Variants in DSCAML1 observed in about 807,000 individuals in gnomAD.
The protein encoded by DSCAML1 is DS cell adhesion molecule like 1, also known as cell adhesion molecule DSCAML1.
A neutral mutation model predicts 200.5 loss-of-function variants in DSCAML1; 38 were observed. The ratio of observed to expected loss-of-function variants is 0.19; its 90% CI spans 0.15 to 0.25. The LOEUF (loss-of-function observed/expected upper bound fraction) is 0.25, where lower values mean the gene tolerates loss of function less well. Among genes scored for constraint, DSCAML1 ranks in the 10% least tolerant of loss-of-function variants. The pLI is 1.00. For synonymous variants in DSCAML1, 1,215 were observed against 1,165.0 expected, an observed-to-expected ratio of 1.04 and a Z score of -0.87; for missense variants, 2,223 against 2,858.8, an observed-to-expected ratio of 0.78 and a Z score of 5.07.
chr11:117,515,610 CTTTTTTTTTTTTTT>C (rs56765238), intron 8 of DSCAML1, among the ~76,000 whole-genome samples: 10 of 65,144 alleles, frequency 1.5e-4, no homozygotes, highest in African/African-American at 5.0e-4. Flanking sequence ...AGGGACGAAG[CTTTTTTTTTTTTTT>C]TTTTTTTTTT....
At chr11:117,449,322 C>T (rs951047812) in intron 20 of DSCAML1, among the ~76,000 whole-genome samples, 3 of 152,022 alleles carry the variant, frequency 2.0e-5, no homozygotes, top group Non-Finnish European at 2.9e-5. Flanking sequence ...ACAGTGATGA[C>T]GTTTGTGCAC....
chr11:117,543,829 T>A (rs907854582), intron 3 of DSCAML1, among the ~76,000 whole-genome samples: 2 of 152,202 alleles, frequency 1.3e-5, no homozygotes, highest in African/African-American at 2.4e-5. Context: ...TTGTTTTTTT[T>A]AAAGATCTTA....
intron 3 of DSCAML1, among the ~76,000 whole-genome samples, chr11:117,645,415 C>T (rs2052502459): frequency 6.6e-6 from 1 of 152,020 alleles, no homozygotes; most frequent in Admixed American, 6.6e-5. Context: ...CCATGAGAGC[C>T]CAACTTCCTG....
At chr11:117,433,526 T>A (rs539036589) in intron 27 of DSCAML1, 55 bp from the exon 28 acceptor site, 1 of 1,587,132 alleles carries the variant, frequency 6.3e-7, no homozygotes, top group African/African-American at 1.3e-5. Context: ...TTGAACAGGA[T>A]GACAATGGGA....
intron 3 of DSCAML1, among the ~76,000 whole-genome samples, chr11:117,559,105 A>G: frequency 6.7e-6 from 1 of 149,036 alleles, no homozygotes; most frequent in African/African-American, 2.5e-5. Context: ...ATATATGGGG[A>G]AAAAAAGAAA....
At chr11:117,517,655 C>T (rs992485688) in intron 7 of DSCAML1, among the ~76,000 whole-genome samples, 5 of 152,224 alleles carry the variant, frequency 3.3e-5, no homozygotes, top group Non-Finnish European at 4.4e-5. Context: ...TTCCTACCCC[C>T]ACGGCAACCA....
At chr11:117,706,275 T>C (rs1321606986) in intron 3 of DSCAML1, among the ~76,000 whole-genome samples, 4 of 152,198 alleles carry the variant, frequency 2.6e-5, no homozygotes, top group African/African-American at 9.7e-5. Context: ...TTTTTGTTTT[T>C]ATTTTCCCCA....
intron 3 of DSCAML1, among the ~76,000 whole-genome samples, chr11:117,684,199 G>A (rs2053361574): frequency 6.6e-6 from 1 of 151,988 alleles, no homozygotes; most frequent in African/African-American, 2.4e-5. Context: ...CCAATCACAG[G>A]GACCCCAGCA....
intron 19 of DSCAML1, among the ~76,000 whole-genome samples, chr11:117,456,487 T>G (rs1287843741): frequency 6.6e-6 from 1 of 152,150 alleles, no homozygotes; most frequent in Non-Finnish European, 1.5e-5. Context: ...GAAAGTAGCT[T>G]TCACTCTGAA....
intron 3 of DSCAML1, among the ~76,000 whole-genome samples, chr11:117,668,232 G>A (rs987660785): frequency 2.6e-5 from 4 of 152,372 alleles, no homozygotes; most frequent in Non-Finnish European, 4.4e-5. Flanking sequence ...TTACGATCCA[G>A]ATGAGGAAAC....
chr11:117,556,690 G>A (rs2050565096), intron 3 of DSCAML1, among the ~76,000 whole-genome samples: 1 of 152,112 alleles, frequency 6.6e-6, no homozygotes, highest in Non-Finnish European at 1.5e-5. Flanking sequence ...GCCCCAGTAT[G>A]GCCTCATCAT....
rs115831160 is a variant in DSCAML1, at chr11:117,458,881, G to A, written c.3441C>T (p.Thr1147=). The change falls in exon 19 of 33, where the codon ACC becomes ACT. Residue 1147 remains threonine (T), a synonymous_variant. Coordinates refer to ENST00000651296, the MANE Select transcript of DSCAML1 (RefSeq NM_020693.4). ...CCCGCAGCTCCACCCGCTCCCGCGT[G>A]GTGGTGATGTTCTGCATCTCGCCCC... ...GEWGEMQNIT[T]TRERVELRGM... is the part of the protein sequence containing the mutation. 6.2e-7 allele frequency: 1 copy of A among 1,613,834 alleles called. No individual in the cohort carries two copies. Among genetic ancestry groups the A allele is most frequent in the Non-Finnish European group, 8.5e-7 (1 of 1,180,004 alleles).
chr11:117,512,091 CT>C (rs2049632534), intron 8 of DSCAML1, among the ~76,000 whole-genome samples: 1 of 152,254 alleles, frequency 6.6e-6, no homozygotes, highest in Non-Finnish European at 1.5e-5. Context: ...CCCACTGACC[CT>C]TGGCCCCACA....
At chr11:117,495,955 C>T (rs999248019) in intron 11 of DSCAML1, among the ~76,000 whole-genome samples, 3 of 152,214 alleles carry the variant, frequency 2.0e-5, no homozygotes, top group Non-Finnish European at 4.4e-5. Context: ...TCTCCAGCAG[C>T]CTCCGTCTGG....
At chr11:117,545,623 T>C (rs894057929) in intron 3 of DSCAML1, among the ~76,000 whole-genome samples, 1 of 152,124 alleles carries the variant, frequency 6.6e-6, no homozygotes, top group Non-Finnish European at 1.5e-5. Context: ...CAGGCTGTAC[T>C]GTACAGGCTG....
intron 3 of DSCAML1, among the ~76,000 whole-genome samples, chr11:117,731,227 C>T (rs943279121): frequency 6.6e-6 from 1 of 152,132 alleles, no homozygotes; most frequent in Non-Finnish European, 1.5e-5. Flanking sequence ...CACAGATTAA[C>T]AGGGGCGCCT....
intron 6 of DSCAML1, among the ~76,000 whole-genome samples, chr11:117,519,119 G>A (rs992105332): frequency 3.9e-5 from 6 of 152,212 alleles, no homozygotes; most frequent in African/African-American, 1.4e-4. Flanking sequence ...ATACATTTCA[G>A]AGGCTTCACA....
chr11:117,513,610 G>A (rs190643709), intron 8 of DSCAML1, among the ~76,000 whole-genome samples: 32 of 152,090 alleles, frequency 2.1e-4, no homozygotes, highest in African/African-American at 7.0e-4. Context: ...GCGTGGTGGC[G>A]TGCGCCTGTA....
intron 3 of DSCAML1, among the ~76,000 whole-genome samples, chr11:117,679,509 C>T (rs2053276883): frequency 6.6e-6 from 1 of 152,174 alleles, no homozygotes; most frequent in South Asian, 2.1e-4. Flanking sequence ...GCAGTAATTT[C>T]TCTGACAACC....
Sources: allele counts gnomAD v4.1 joint callset (sites outside exome capture counted in the v4.1 genomes callset), GRCh38; gene constraint gnomAD v4.1.1; transcripts MANE v1.5; gene names NCBI Gene and HGNC (gene_info 2026-07-23, HGNC 2026-07-21).